The following TRAPPC10 variants were observed in gnomAD, a reference collection of about 807,000 sequenced individuals.
The protein encoded by TRAPPC10 is trafficking protein particle complex subunit 10, also known as TRAPP 130 kDa subunit.
Under a neutral mutation model 125.5 loss-of-function variants are expected in TRAPPC10, and 23 were observed. The observed-to-expected ratio is 0.18, with a 90% CI of 0.13 to 0.26. The LOEUF is 0.26. Among genes scored for constraint, TRAPPC10 ranks in the 10% least tolerant of loss-of-function variants. The pLI is 1.00. For missense variants in TRAPPC10, 1,123 were observed against 1,308.4 expected (o/e 0.86, Z 2.19); for synonymous variants, 509 against 518.0 (o/e 0.98, Z 0.24).
chr21:44,080,272 CT>C (rs535677107), intron 13 of TRAPPC10, 145 bp downstream of exon 13: 6,543 of 591,912 alleles, frequency 0.011, 9 homozygotes, highest in Middle Eastern at 0.016. Flanking sequence ...TTTCACCTGA[CT>C]TTTTTTTTTA....
intron 7 of TRAPPC10, among the ~76,000 whole-genome samples, chr21:44,073,977 T>C (rs28582249): frequency 8.3e-4 from 115 of 138,478 alleles, no homozygotes; most frequent in East Asian, 2.0e-3. Flanking sequence ...AGGTTTTTCC[T>C]TTTTTTAAAA....
Position 44,076,618 on chromosome 21 carries a change from A to C in TRAPPC10, c.1367A>C (p.Lys456Thr). The C allele has an allele frequency of 6.2e-7, 1 of 1,612,132 alleles. No homozygotes were observed. The highest frequency in any genetic ancestry group is 8.5e-7 in the Non-Finnish European group (1 of 1,178,158). ...EALSSVEAFE[K>T]HYLDLSHATI... is the part of the protein sequence containing the mutation. ...TTATCGTCAGTGGAAGCTTTTGAAA[A>C]ACACTACTTAGTAAGTATTAACAAG... The change falls in exon 10 of 23, where the codon AAA (lysine) becomes ACA (threonine). Residue 456 changes from lysine to threonine, a missense_variant. By Grantham distance (78) the Lys-to-Thr change is moderately conservative. Transcript: ENST00000291574.
chr21:44,079,264 C>T (rs1230644636), intron 11 of TRAPPC10, among the ~76,000 whole-genome samples: 2 of 152,170 alleles, frequency 1.3e-5, no homozygotes, highest in Non-Finnish European at 2.9e-5. Flanking sequence ...GGCTCACTTT[C>T]TTATCCTGAG....
At chr21:44,041,518 A>G (rs1255417902) in intron 3 of TRAPPC10, among the ~76,000 whole-genome samples, 1 of 151,864 alleles carries the variant, frequency 6.6e-6, no homozygotes, top group Non-Finnish European at 1.5e-5. Flanking sequence ...CTGGGATTAC[A>G]GGCATGCGCC....
rs1022875754 is a variant in TRAPPC10 at position 44,087,211 on chromosome 21, A to G, written c.2539+251A>G. Among the ~76,000 whole-genome samples the G allele has an allele frequency of 1.3e-5, 2 of 152,336 alleles. No individual in the cohort carries two copies. The highest frequency in any genetic ancestry group is 6.5e-5 in the Admixed American group (1 of 15,304). On this transcript the variant is annotated intron_variant, in intron 16 of 22. Transcript: ENST00000291574. This position sits in a 1 kb window ranked among gnomAD's most constrained non-coding sequence, Gnocchi z 4.6. Reference sequence around the variant, plus strand: ...GGCTGAGGATTAGGAGATGGGGGTCACGGCTGGGGTCACGTTCCATGGTGA... The same window carrying G: ...GGCTGAGGATTAGGAGATGGGGGTCGCGGCTGGGGTCACGTTCCATGGTGA...
In TRAPPC10 at chr21:44,025,309, G is replaced by T. The variant is rs567158346; in HGVS notation, c.68-6782G>T. ...AGCCAGTGGCAAAGGGGAAGTCTGG[G>T]GAAAGACCAGTTTGGGAACCCTTCT... is the stretch of plus-strand genomic sequence containing the variant. On this transcript the variant is annotated intron_variant, in intron 1 of 22. Transcript: ENST00000291574. Among the ~76,000 whole-genome samples, 8 of 152,312 alleles carry T rather than the reference G, an allele frequency of 5.3e-5. No homozygotes were observed. In the East Asian group the frequency reaches 1.5e-3, roughly 29 times the overall value.
At position 44,012,510 on chromosome 21, in the gene TRAPPC10, A is replaced by G. The variant is rs1459825170; in HGVS notation, c.17A>G (p.Glu6Gly). ...CGGACGCCCATGGACGCCTCTGAGG[A>G]GCCGCTGCCGCCGGTGATCTACACC... MDASE[E>G]PLPPVIYTME... The change falls in exon 1 of 23, where the codon GAG becomes GGG. Residue 6 changes from glutamate to glycine, a missense_variant. Physicochemically the swap from Glu to Gly is moderately conservative, Grantham distance 98. Transcript: ENST00000291574. 1 of 1,529,102 alleles carries G rather than the reference A, an allele frequency of 6.5e-7. No homozygotes were observed. The allele number at this position is 1,529,102 out of a possible 1,614,324, so 94.7% of individuals were successfully genotyped here.
At chr21:44,022,572 C>G (rs778368360) in intron 1 of TRAPPC10, among the ~76,000 whole-genome samples, 7 of 151,106 alleles carry the variant, frequency 4.6e-5, no homozygotes, top group Non-Finnish European at 1.0e-4. Flanking sequence ...CCTTTGCCTC[C>G]CAAAGTGCTG....
intron 3 of TRAPPC10, among the ~76,000 whole-genome samples, chr21:44,045,176 G>A (rs895378115): frequency 2.0e-5 from 3 of 151,908 alleles, no homozygotes; most frequent in Admixed American, 6.6e-5. Flanking sequence ...CTTGTGATCC[G>A]CCCGCCTCTG....
At chr21:44,031,990 A>T (rs1035383370) in intron 1 of TRAPPC10, 101 bp from the exon 2 acceptor site, 6 of 933,312 alleles carry the variant, frequency 6.4e-6, no homozygotes, top group Non-Finnish European at 1.0e-5. Flanking sequence ...GCTTTACTAA[A>T]CATAAAACTA....
At chr21:44,033,813 A>G (rs1422831353) in intron 2 of TRAPPC10, among the ~76,000 whole-genome samples, 1 of 152,226 alleles carries the variant, frequency 6.6e-6, no homozygotes, top group African/African-American at 2.4e-5. Context: ...CAGTGAGCTG[A>G]GATTGCACCA....
rs1194396919 is a variant in TRAPPC10 at position 44,032,382 on chromosome 21, T to TC, written c.149+210_149+211insC. The stretch of plus-strand genomic sequence containing the variant: ...CTTTATGGAATGCCATGGTTTTCTT[T>TC]TTTTTTTTTTTTTTTTTTGAGACAG... On this transcript the variant is annotated intron_variant, in intron 2 of 22. Coordinates refer to ENST00000291574, the MANE Select transcript of TRAPPC10 (RefSeq NM_003274.5). 4.9e-3 allele frequency among the ~76,000 whole-genome samples: 712 copies of TC among 144,224 alleles called. 5 individuals are homozygous for TC. The highest frequency in any genetic ancestry group is 0.017 in the Middle Eastern group (5 of 290). 94.6% of individuals were successfully genotyped at this position (144,224 alleles called of 152,430 possible). A position where few individuals can be genotyped will look rare whatever the true frequency, so the allele number is the denominator to read the frequency against.
intron 3 of TRAPPC10, among the ~76,000 whole-genome samples, chr21:44,048,412 CT>C (rs1037818341): frequency 1.3e-5 from 2 of 152,162 alleles, no homozygotes; most frequent in Admixed American, 1.3e-4. Context: ...AATCATTGTC[CT>C]TTGTTCCTTG....
chr21:44,053,995 A>T (rs896442272), intron 4 of TRAPPC10, among the ~76,000 whole-genome samples: 2 of 152,178 alleles, frequency 1.3e-5, no homozygotes, highest in Non-Finnish European at 2.9e-5. Flanking sequence ...GACCTCTGAA[A>T]ACAGTTACTG....
At chr21:44,086,723 C>T (rs572196907) in intron 15 of TRAPPC10, 79 bp from the exon 16 acceptor site, 1 of 1,446,702 alleles carries the variant, frequency 6.9e-7, no homozygotes, top group Admixed American at 1.9e-5. Context: ...GAAATAGAGC[C>T]CCTTTCACCC....
intron 10 of TRAPPC10, 50 bp from the exon 11 acceptor site, chr21:44,077,643 G>T: frequency 1.5e-6 from 2 of 1,326,332 alleles, no homozygotes; most frequent in Non-Finnish European, 2.2e-6. Context: ...TGTAGTATTT[G>T]TCCATCATTA....
chr21:44,040,066 C>G (rs2034301652), intron 3 of TRAPPC10, among the ~76,000 whole-genome samples: 1 of 152,168 alleles, frequency 6.6e-6, no homozygotes, highest in Admixed American at 6.5e-5. Context: ...AGAACAGCTC[C>G]AAATTTGCAA....
rs1569174310 is a variant in TRAPPC10 at position 44,055,897 on chromosome 21, C to CTTGACTCA, written c.678+7_678+14dup. The stretch of plus-strand genomic sequence containing the variant: ...TTGTGAATATTTCATGGTTCAGGTA[C>CTTGACTCA]TTGACTCATTACAGAACTAGACAGT... On this transcript the variant is annotated splice_donor_region_variant and intron_variant, in intron 5 of 22. Transcript: ENST00000291574. The CTTGACTCA allele has an allele frequency of 1.3e-6, 2 of 1,594,898 alleles. No homozygotes were observed. Among genetic ancestry groups the CTTGACTCA allele is most frequent in the South Asian group, 2.2e-5 (2 of 89,904 alleles).
intron 7 of TRAPPC10, among the ~76,000 whole-genome samples, chr21:44,066,140 T>G (rs1448423647): frequency 6.6e-6 from 1 of 152,226 alleles, no homozygotes; most frequent in African/African-American, 2.4e-5. Flanking sequence ...TGTCCCACTT[T>G]CGAGTGGGTG....
Sources: allele counts gnomAD v4.1 joint callset (sites outside exome capture counted in the v4.1 genomes callset), GRCh38; gene constraint gnomAD v4.1.1; non-coding constraint Gnocchi (gnomAD v3.1); transcripts MANE v1.5; gene names NCBI Gene and HGNC (gene_info 2026-07-23, HGNC 2026-07-21).